ADAMTS19: variants seen among roughly 807,000 people sequenced by gnomAD.
ADAMTS19 encodes ADAM metallopeptidase with thrombospondin type 1 motif 19, also known as A disintegrin and metalloproteinase with thrombospondin motifs 19.
ADAMTS19 carries 93 observed loss-of-function variants against 153.3 expected under a neutral mutation model. The observed-to-expected ratio is 0.61, with a 90% CI of 0.51 to 0.72. ADAMTS19 has a LOEUF of 0.72. Among genes scored for constraint, ADAMTS19 ranks in the 30% least tolerant of loss-of-function variants. The pLI, the probability that ADAMTS19 is intolerant of heterozygous loss-of-function variation, is 0.00. For synonymous variants in ADAMTS19, 600 were observed against 556.6 expected (o/e 1.08, Z -1.10); for missense variants, 1,482 against 1,552.1 (o/e 0.95, Z 0.76).
intron 7 of ADAMTS19, among the ~76,000 whole-genome samples, chr5:129,580,458 G>A (rs993469006): frequency 1.3e-4 from 19 of 151,966 alleles, no homozygotes; most frequent in Admixed American, 7.9e-4. Flanking sequence ...TGGCCAGAAC[G>A]TCCAATATAT....
At position 129,507,621 on chromosome 5, in the gene ADAMTS19, T is replaced by A. The variant is rs544016743; in HGVS notation, c.748-1456T>A. Among the ~76,000 whole-genome samples, 4 of 151,780 alleles carry A rather than the reference T, an allele frequency of 2.6e-5. No homozygotes were observed. The South Asian group carries it at 8.3e-4, about 32-fold the overall frequency. On this transcript the variant is annotated intron_variant, in intron 2 of 22. Coordinates refer to ENST00000274487, the MANE Select transcript of ADAMTS19 (RefSeq NM_133638.6). ...AAGGTTCATTAGAGTAAATCTTTCT[T>A]AATTATCCCTACCCCTGAATATATT...
At chr5:129,598,301 A>G (rs1057178171) in intron 8 of ADAMTS19, among the ~76,000 whole-genome samples, 8 of 152,186 alleles carry the variant, frequency 5.3e-5, no homozygotes, top group African/African-American at 1.7e-4. Context: ...ACACCCTAGT[A>G]TATGGTACAC....
At position 129,522,332 on chromosome 5, in the gene ADAMTS19, C is replaced by CACACATATATATATAT. The variant is rs1309115957; in HGVS notation, c.914-3951_914-3950insCACATATATATATATA. Among the ~76,000 whole-genome samples, 72 of 58,602 alleles carry CACACATATATATATAT rather than the reference C, an allele frequency of 1.2e-3. 2 individuals carry two copies. Among genetic ancestry groups the CACACATATATATATAT allele is most frequent in the African/African-American group, 1.9e-3 (21 of 11,234 alleles). 38.4% of individuals were successfully genotyped at this position (58,602 alleles called of 152,430 possible). A position where few individuals can be genotyped will look rare whatever the true frequency, so the allele number is the denominator to read the frequency against. On this transcript the variant is annotated intron_variant, in intron 3 of 22. Transcript: ENST00000274487. ...ATATATATATACACACACACACACA[C>CACACATATATATATAT]ATATATATATATATATATATATATA... is the stretch of plus-strand genomic sequence containing the variant.
At chr5:129,735,541 G>A (rs1008954445) in intron 22 of ADAMTS19, among the ~76,000 whole-genome samples, 1 of 118,276 alleles carries the variant, frequency 8.5e-6, no homozygotes, top group Non-Finnish European at 1.9e-5. Context: ...ACTAAAAAAT[G>A]TCTTTCAAGA....
intron 6 of ADAMTS19, among the ~76,000 whole-genome samples, chr5:129,539,592 T>C (rs1752585698): frequency 6.6e-6 from 1 of 152,090 alleles, no homozygotes; most frequent in Admixed American, 6.6e-5. Context: ...CTGCATCATT[T>C]GTGAGGGGGA....
chr5:129,570,145 T>C (rs1753845781), intron 7 of ADAMTS19, among the ~76,000 whole-genome samples: 1 of 151,948 alleles, frequency 6.6e-6, no homozygotes, highest in Admixed American at 6.6e-5. Flanking sequence ...AAACAAATTT[T>C]TTTGTGGAAT....
intron 18 of ADAMTS19, among the ~76,000 whole-genome samples, chr5:129,684,853 G>A (rs550693534): frequency 1.1e-3 from 160 of 152,176 alleles, no homozygotes; most frequent in African/African-American, 3.7e-3. Context: ...CGGGTGTGGT[G>A]GCGGGCGCCT....
intron 2 of ADAMTS19, among the ~76,000 whole-genome samples, chr5:129,466,190 T>C (rs943843482): frequency 6.6e-6 from 1 of 152,164 alleles, no homozygotes; most frequent in African/African-American, 2.4e-5. Context: ...AGATGAGCTG[T>C]TGGCTTCTTG....
intron 7 of ADAMTS19, among the ~76,000 whole-genome samples, chr5:129,561,604 G>A (rs965130559): frequency 6.6e-6 from 1 of 151,856 alleles, no homozygotes; most frequent in Non-Finnish European, 1.5e-5. Context: ...AACGCATGTC[G>A]TAGTGTTTTA....
intron 2 of ADAMTS19, among the ~76,000 whole-genome samples, chr5:129,476,480 A>T (rs1750231727): frequency 6.6e-6 from 1 of 152,100 alleles, no homozygotes; most frequent in Non-Finnish European, 1.5e-5. Flanking sequence ...ATACGGACAA[A>T]TGAACAAAAC....
chr5:129,654,760 A>G (rs1429661262), intron 14 of ADAMTS19, among the ~76,000 whole-genome samples: 1 of 152,178 alleles, frequency 6.6e-6, no homozygotes, highest in Non-Finnish European at 1.5e-5. Flanking sequence ...CAAAAATTCA[A>G]GCACTCTAGT....
At chr5:129,578,149 TATATGTACGTATACGTACATATACCTA>T (rs1749287185) in intron 7 of ADAMTS19, among the ~76,000 whole-genome samples, 1 of 109,428 alleles carries the variant, frequency 9.1e-6, no homozygotes, top group Non-Finnish European at 2.1e-5. Context: ...TATATGCATG[TATATGTACGTATACGTACATATACCTA>T]TATGCATGTA....
chr5:129,485,369 A>T (rs758334486), intron 2 of ADAMTS19, among the ~76,000 whole-genome samples: 1 of 152,196 alleles, frequency 6.6e-6, no homozygotes, highest in Non-Finnish European at 1.5e-5. Flanking sequence ...GGGAAAATGT[A>T]TAGCATTAAA....
chr5:129,547,345 T>C (rs1340193125), intron 6 of ADAMTS19, among the ~76,000 whole-genome samples: 2 of 150,858 alleles, frequency 1.3e-5, no homozygotes, highest in East Asian at 1.9e-4. Context: ...TGCTGACACA[T>C]TGATTTTAGT....
chr5:129,484,051 C>T (rs757016314), intron 2 of ADAMTS19, among the ~76,000 whole-genome samples: 79 of 152,238 alleles, frequency 5.2e-4, no homozygotes, highest in African/African-American at 1.8e-3. Flanking sequence ...TGAATATTAA[C>T]ACAGTTATTA....
chr5:129,730,506 T>C (rs557509331), intron 21 of ADAMTS19, among the ~76,000 whole-genome samples: 1 of 152,284 alleles, frequency 6.6e-6, no homozygotes, highest in African/African-American at 2.4e-5. Context: ...GGCTTCATTA[T>C]TGAACATGAC....
intron 10 of ADAMTS19, among the ~76,000 whole-genome samples, chr5:129,628,653 A>G (rs1752161022): frequency 6.6e-6 from 1 of 152,224 alleles, no homozygotes; most frequent in South Asian, 2.1e-4. Flanking sequence ...AAGACTGAAA[A>G]TAGTTGTGCA....
intron 2 of ADAMTS19, among the ~76,000 whole-genome samples, chr5:129,473,260 T>G (rs1750125773): frequency 6.6e-6 from 1 of 152,086 alleles, no homozygotes; most frequent in Admixed American, 6.6e-5. Flanking sequence ...CTAATCAGAT[T>G]AATGCATTTG....
chr5:129,505,854 CGA>C (rs1443529003), intron 2 of ADAMTS19, among the ~76,000 whole-genome samples: 2 of 151,934 alleles, frequency 1.3e-5, no homozygotes, highest in Non-Finnish European at 2.9e-5. Flanking sequence ...TGAAATGACT[CGA>C]GTTAAAATTA....
Sources: allele counts gnomAD v4.1 joint callset (sites outside exome capture counted in the v4.1 genomes callset), GRCh38; gene constraint gnomAD v4.1.1; transcripts MANE v1.5; gene names NCBI Gene and HGNC (gene_info 2026-07-23, HGNC 2026-07-21).